Variants in LPCAT1 observed in about 807,000 individuals in gnomAD.
LPCAT1 encodes the protein lysophosphatidylcholine acyltransferase 1, also known as 1-acylglycerol-3-phosphate O-acyltransferase.
In LPCAT1, 23 loss-of-function variants were observed where a neutral mutation model predicts 60.9. That is an observed-to-expected ratio of 0.38 (90% CI 0.27 to 0.53). The LOEUF is 0.53. Among genes scored for constraint, LPCAT1 ranks in the 20% least tolerant of loss-of-function variants. LPCAT1 has a pLI of 0.82. For synonymous variants in LPCAT1, 340 were observed against 301.1 expected, an observed-to-expected ratio of 1.13 and a Z score of -1.34; for missense variants, 622 against 723.6, an observed-to-expected ratio of 0.86 and a Z score of 1.61.
rs1455681954 is a variant in LPCAT1, at chr5:1,466,732, C to T, written c.1420+17G>A. The T allele has an allele frequency of 1.2e-6, 2 of 1,602,910 alleles. No individual in the cohort carries two copies. Among genetic ancestry groups the T allele is most frequent in the African/African-American group, 1.3e-5 (1 of 74,508 alleles). On this transcript the variant is annotated intron_variant, in intron 13 of 13. Transcript: ENST00000283415. The stretch of plus-strand genomic sequence containing the variant: ...CGCCCAAGGGTCGCGAGGACGACCC[C>T]ACTCCTGCGGGCTCACCGAATGTGA...
In LPCAT1 at chr5:1,477,366, C is replaced by T. The variant is rs1350596011; in HGVS notation, c.899+38G>A. On this transcript the variant is annotated intron_variant, in intron 9 of 13. Coordinates refer to ENST00000283415, the MANE Select transcript of LPCAT1 (RefSeq NM_024830.5). The surrounding 1 kb of genome is among the most constrained non-coding windows in gnomAD (Gnocchi z 6.0). Reference sequence around the variant, plus strand: ...CAGAGAGCAGCACTCTGGGAGACACCCCTGACTCGGCGATGGGGGAAGGAG... The same window carrying T: ...CAGAGAGCAGCACTCTGGGAGACACTCCTGACTCGGCGATGGGGGAAGGAG... 1.3e-6 allele frequency: 2 copies of T among 1,563,092 alleles called. No individual in the cohort carries two copies. The highest frequency in any genetic ancestry group is 1.8e-6 in the Non-Finnish European group (2 of 1,135,058).
intron 6 of LPCAT1, among the ~76,000 whole-genome samples, chr5:1,482,651 GGGGT>G (rs1237409294): frequency 3.0e-5 from 2 of 66,526 alleles, no homozygotes; most frequent in Admixed American, 2.7e-4. Flanking sequence ...GGGCAGAGCC[GGGGT>G]GGGCTGGGAT....
intron 2 of LPCAT1, among the ~76,000 whole-genome samples, chr5:1,499,325 A>G (rs1174594558): frequency 2.0e-5 from 3 of 152,282 alleles, no homozygotes; most frequent in East Asian, 1.9e-4. Context: ...TGGGGAGTAA[A>G]GAGAAAGGGT....
At chr5:1,490,907 C>T (rs1735554488) in intron 3 of LPCAT1, among the ~76,000 whole-genome samples, 1 of 152,180 alleles carries the variant, frequency 6.6e-6, no homozygotes. Flanking sequence ...TGTCTCTGAC[C>T]CCACCACGGG....
At chr5:1,513,415 A>G (rs1736413790) in intron 1 of LPCAT1, among the ~76,000 whole-genome samples, 1 of 152,228 alleles carries the variant, frequency 6.6e-6, no homozygotes, top group Non-Finnish European at 1.5e-5. Context: ...CCGAGGGCTC[A>G]GCTCCTGCAA....
chr5:1,480,002 C>A lies in LPCAT1; in HGVS notation c.762-327G>T, dbSNP rs1735072106. ...CACACCTGTCCCTCCTCGCTGTCCC[C>A]AGGCAGCACAGGCCCTGAGTCATGC... On this transcript the variant is annotated intron_variant, in intron 7 of 13. Coordinates refer to ENST00000283415, the MANE Select transcript of LPCAT1 (RefSeq NM_024830.5). This position sits in a 1 kb window ranked among gnomAD's most constrained non-coding sequence, Gnocchi z 6.4. Among the ~76,000 whole-genome samples the A allele has an allele frequency of 6.6e-6, 1 of 152,002 alleles. No individual in the cohort carries two copies. Among genetic ancestry groups the A allele is most frequent in the Non-Finnish European group, 1.5e-5 (1 of 67,982 alleles).
At chr5:1,515,888 C>T (rs1736493341) in intron 1 of LPCAT1, among the ~76,000 whole-genome samples, 1 of 152,142 alleles carries the variant, frequency 6.6e-6, no homozygotes, top group Admixed American at 6.5e-5. Context: ...CCACCCAGGA[C>T]ATCCTGCTTC....
Position 1,481,701 on chromosome 5 carries a change from C to T in LPCAT1, c.727-725G>A, listed in dbSNP as rs561760699. ...TGCACAGATCGGAGTCTGTTGTCCT[C>T]GGGTTGACTTTTTTGCCCACAGGAG... On this transcript the variant is annotated intron_variant, in intron 6 of 13. Coordinates refer to ENST00000283415, the MANE Select transcript of LPCAT1 (RefSeq NM_024830.5). The surrounding 1 kb of genome is among the most constrained non-coding windows in gnomAD (Gnocchi z 7.8). Among the ~76,000 whole-genome samples, 16 of 152,392 alleles carry T rather than the reference C, an allele frequency of 1.0e-4. No individual in the cohort carries two copies. In the South Asian group the frequency reaches 2.9e-3, roughly 28 times the overall value.
At chr5:1,479,411 T>C in intron 8 of LPCAT1, 1 of 564,764 alleles carries the variant, frequency 1.8e-6, no homozygotes, top group Admixed American at 3.1e-5. Context: ...CCAAATCTTA[T>C]CCAAGTGGTT....
At chr5:1,465,037 AAAC>A (rs1444120142) in intron 13 of LPCAT1, among the ~76,000 whole-genome samples, 3 of 138,584 alleles carry the variant, frequency 2.2e-5, no homozygotes, top group Admixed American at 7.2e-5. Context: ...CAGGCACACT[AAAC>A]ACACATGCGC....
chr5:1,508,022 G>C (rs1026092916), intron 1 of LPCAT1, among the ~76,000 whole-genome samples: 1 of 152,220 alleles, frequency 6.6e-6, no homozygotes, highest in Non-Finnish European at 1.5e-5. Flanking sequence ...CCTCCACCTT[G>C]CGAGGACACA....
chr5:1,498,566 C>G (rs1029933539), intron 2 of LPCAT1, among the ~76,000 whole-genome samples: 46 of 152,156 alleles, frequency 3.0e-4, no homozygotes, highest in African/African-American at 9.2e-4. Context: ...CACACATATA[C>G]TCTCATACAC....
chr5:1,508,033 G>C (rs1736239200), intron 1 of LPCAT1, among the ~76,000 whole-genome samples: 1 of 152,214 alleles, frequency 6.6e-6, no homozygotes, highest in Non-Finnish European at 1.5e-5. Flanking sequence ...CGAGGACACA[G>C]AAGGTGCCAT....
At chr5:1,501,663 C>T (rs1215967853) in intron 1 of LPCAT1, 60 bp from the exon 2 acceptor site, 1 of 1,572,294 alleles carries the variant, frequency 6.4e-7, no homozygotes, top group African/African-American at 1.3e-5. Flanking sequence ...CAGCTCCCCA[C>T]CCGGCAGAGG....
At chr5:1,498,953 C>T (rs1243815783) in intron 2 of LPCAT1, among the ~76,000 whole-genome samples, 1 of 152,112 alleles carries the variant, frequency 6.6e-6, no homozygotes, top group Non-Finnish European at 1.5e-5. Context: ...CCTCTCTGCA[C>T]ACATACACAG....
rs927922790 is a variant in LPCAT1 at position 1,487,861 on chromosome 5, G to A, written c.667+530C>T. Among the ~76,000 whole-genome samples the A allele has an allele frequency of 9.2e-5, 14 of 152,136 alleles. No homozygotes were observed. The highest frequency in any genetic ancestry group is 3.3e-4 in the Admixed American group (5 of 15,274). ...GCCTGCTCACTGCCACACTTCCCAC[G>A]TCAGGGGTGCAGACACAATACTAGA... is the stretch of plus-strand genomic sequence containing the variant. On this transcript the variant is annotated intron_variant, in intron 5 of 13. Coordinates refer to ENST00000283415, the MANE Select transcript of LPCAT1 (RefSeq NM_024830.5). This position sits in a 1 kb window ranked among gnomAD's most constrained non-coding sequence, Gnocchi z 6.1.
At chr5:1,467,043 G>A (rs1734443220) in intron 12 of LPCAT1, 153 bp from the exon 13 acceptor site, 2 of 719,684 alleles carry the variant, frequency 2.8e-6, no homozygotes, top group South Asian at 5.3e-5. Context: ...GAACTTCCAT[G>A]TGGAGCCATG....
intron 1 of LPCAT1, among the ~76,000 whole-genome samples, chr5:1,518,987 G>T (rs773605024): frequency 6.6e-6 from 1 of 152,258 alleles, no homozygotes; most frequent in Non-Finnish European, 1.5e-5. Flanking sequence ...GTGCATGAGT[G>T]GGGGAAGAAA....
chr5:1,474,730 C>G (rs1392748820), intron 9 of LPCAT1, 45 bp from the exon 10 acceptor site: 1 of 1,580,624 alleles, frequency 6.3e-7, no homozygotes, highest in South Asian at 1.1e-5. Context: ...TCGTGGCAGC[C>G]AGTTCCCACC....
Sources: allele counts gnomAD v4.1 joint callset (sites outside exome capture counted in the v4.1 genomes callset), GRCh38; gene constraint gnomAD v4.1.1; non-coding constraint Gnocchi (gnomAD v3.1); transcripts MANE v1.5; gene names NCBI Gene and HGNC (gene_info 2026-07-23, HGNC 2026-07-21).